The following ATG4C variants were observed in gnomAD, a reference collection of about 807,000 sequenced individuals.
ATG4C encodes the protein cysteine protease ATG4C.
ATG4C carries 56 observed loss-of-function variants against 57.6 expected under a neutral mutation model. The observed-to-expected ratio is 0.97, with a 90% CI of 0.78 to 1.21. The LOEUF is 1.21. Among genes scored for constraint, ATG4C ranks in the 50% most tolerant of loss-of-function variants. The probability of loss-of-function intolerance (pLI) is 0.00; values close to 1 mark genes in which losing one functional copy is unlikely to be tolerated. For synonymous variants in ATG4C, 157 were observed against 174.1 expected (o/e 0.90, Z 0.78); for missense variants, 595 against 529.8 (o/e 1.12, Z -1.21).
Position 62,819,164 on chromosome 1 carries a change from A to G in ATG4C, c.554A>G (p.Tyr185Cys). ...TISLKETIGK[Y>C]SDDHEMRNEV... ...TCTCTGAAGGAAACAATTGGGAAAT[A>G]TTCTGATGATCATGAAATGCGAAAT... The change falls in exon 5 of 11, where the codon TAT becomes TGT. Residue 185 changes from tyrosine to cysteine, a missense_variant. Tyr to Cys is a radical substitution (Grantham distance 194). Coordinates refer to ENST00000317868, the MANE Select transcript of ATG4C (RefSeq NM_032852.4). 3.7e-6 allele frequency: 6 copies of G among 1,613,524 alleles called. No individual in the cohort carries two copies. The highest frequency in any genetic ancestry group is 5.1e-6 in the Non-Finnish European group (6 of 1,179,672).
At chr1:62,841,899 T>C (rs554508458) in intron 10 of ATG4C, among the ~76,000 whole-genome samples, 145 of 152,350 alleles carry the variant, frequency 9.5e-4, no homozygotes, top group African/African-American at 2.9e-3. Flanking sequence ...ATGAAGTATT[T>C]GATCAAGCCA....
intron 10 of ATG4C, among the ~76,000 whole-genome samples, chr1:62,857,118 C>G (rs1666708203): frequency 6.6e-6 from 1 of 152,066 alleles, no homozygotes; most frequent in Non-Finnish European, 1.5e-5. Context: ...TCACAGGGGC[C>G]CCCAGCCCCT....
At chr1:62,813,013 G>A (rs1055994631) in intron 3 of ATG4C, among the ~76,000 whole-genome samples, 2 of 152,140 alleles carry the variant, frequency 1.3e-5, no homozygotes, top group Admixed American at 6.5e-5. Context: ...TCATGGATAG[G>A]AAGAATCAAT....
chr1:62,790,392 CAT>C (rs1460382883), intron 1 of ATG4C, among the ~76,000 whole-genome samples: 5 of 152,190 alleles, frequency 3.3e-5, no homozygotes, highest in African/African-American at 1.2e-4. Context: ...CTACAACACA[CAT>C]AAAATAGTTT....
chr1:62,832,247 C>T (rs1665866110), intron 7 of ATG4C, among the ~76,000 whole-genome samples: 1 of 151,998 alleles, frequency 6.6e-6, no homozygotes, highest in South Asian at 2.1e-4. Flanking sequence ...GAAAAAACTT[C>T]ATGATATTTT....
At chr1:62,824,963 C>T (rs529743057) in intron 6 of ATG4C, among the ~76,000 whole-genome samples, 138 of 152,128 alleles carry the variant, frequency 9.1e-4, no homozygotes, top group Non-Finnish European at 1.8e-3. Context: ...GCTGGCTGGG[C>T]ATGGTGGCTC....
At chr1:62,842,264 T>G (rs1479719646) in intron 10 of ATG4C, among the ~76,000 whole-genome samples, 1 of 152,072 alleles carries the variant, frequency 6.6e-6, no homozygotes, top group Non-Finnish European at 1.5e-5. Flanking sequence ...GGCTATCATT[T>G]TATGGTATGT....
intron 10 of ATG4C, among the ~76,000 whole-genome samples, chr1:62,858,533 A>C (rs1293706901): frequency 6.6e-6 from 1 of 152,172 alleles, no homozygotes; most frequent in Non-Finnish European, 1.5e-5. Context: ...TGTAGACAGA[A>C]GATAAAGGAA....
At chr1:62,810,237 T>C (rs761751091) in intron 3 of ATG4C, among the ~76,000 whole-genome samples, 2 of 152,182 alleles carry the variant, frequency 1.3e-5, no homozygotes, top group African/African-American at 2.4e-5. Flanking sequence ...GCACTGGGGT[T>C]ACTGCTGAAA....
chr1:62,787,895 T>C (rs1664142955), intron 1 of ATG4C, among the ~76,000 whole-genome samples: 1 of 152,098 alleles, frequency 6.6e-6, no homozygotes, highest in East Asian at 1.9e-4. Context: ...TCATCTTGAC[T>C]CCTGTGACAC....
chr1:62,807,970 T>C (rs1023040517), intron 3 of ATG4C, among the ~76,000 whole-genome samples: 1 of 152,190 alleles, frequency 6.6e-6, no homozygotes, highest in African/African-American at 2.4e-5. Flanking sequence ...GGTAGTTAGT[T>C]CATGATTGAA....
At chr1:62,793,494 T>C (rs977332313) in intron 1 of ATG4C, among the ~76,000 whole-genome samples, 1 of 144,426 alleles carries the variant, frequency 6.9e-6, no homozygotes, top group African/African-American at 2.6e-5. Context: ...CTGCCTGTAG[T>C]CCCAACTACT....
Position 62,805,172 on chromosome 1 carries a change from G to A in ATG4C, c.77G>A (p.Ser26Asn). The A allele has an allele frequency of 6.6e-7, 1 of 1,514,342 alleles. No individual in the cohort carries two copies. The highest frequency in any genetic ancestry group is 8.7e-7 in the Non-Finnish European group (1 of 1,143,684). The allele number at this position is 1,514,342 out of a possible 1,614,324, so 93.8% of individuals were successfully genotyped here. The part of the protein sequence containing the change: ...FISAWNNMKY[S>N]WVLKTKTYFS... ...CTTTTCTTTTTTTTTTTTTTGCTAG[G>A]TTGGGTGTTGAAAACAAAGACGTAT... The change falls in exon 3 of 11, where the codon AGT (serine) becomes AAT (asparagine). Residue 26 changes from serine (S) to asparagine (N), a missense_variant and splice_region_variant. Transcript: ENST00000317868.
Position 62,804,690 on chromosome 1 carries a change from T to C in ATG4C, c.77-482T>C, listed in dbSNP as rs141506871. On this transcript the variant is annotated intron_variant, in intron 2 of 10. Transcript: ENST00000317868. ...AATCTAATAAGGAGTATATGGCTAT[T>C]TTTGAAGCCCACCTAAGATGGAGAA... Among the ~76,000 whole-genome samples, 345 of 152,284 alleles carry C rather than the reference T, an allele frequency of 2.3e-3. 2 individuals are homozygous for C. The highest frequency in any genetic ancestry group is 8.1e-3 in the African/African-American group (337 of 41,572).
intron 1 of ATG4C, among the ~76,000 whole-genome samples, chr1:62,802,153 T>C (rs2100293476): frequency 1.3e-5 from 2 of 152,060 alleles, no homozygotes; most frequent in Admixed American, 6.6e-5. Context: ...AAAGCCTGGG[T>C]ATATCTTTGG....
chr1:62,815,363 G>A (rs1665232998), intron 3 of ATG4C, among the ~76,000 whole-genome samples: 1 of 151,968 alleles, frequency 6.6e-6, no homozygotes, highest in Non-Finnish European at 1.5e-5. Context: ...TATACCAAGA[G>A]CCTTACAGTA....
chr1:62,803,914 A>G (rs1664767948), intron 2 of ATG4C, 52 bp downstream of exon 2: 1 of 1,139,904 alleles, frequency 8.8e-7, no homozygotes, highest in Non-Finnish European at 1.3e-6. Flanking sequence ...ATTTGACAAT[A>G]TTTATCATTT....
At chr1:62,858,592 TGAA>T (rs1164386191) in intron 10 of ATG4C, among the ~76,000 whole-genome samples, 2 of 152,000 alleles carry the variant, frequency 1.3e-5, no homozygotes, top group African/African-American at 4.8e-5. Context: ...GTAGAATCAA[TGAA>T]GGAGGAGATA....
intron 3 of ATG4C, among the ~76,000 whole-genome samples, chr1:62,815,685 A>G (rs1665246274): frequency 6.6e-6 from 1 of 151,826 alleles, no homozygotes; most frequent in Admixed American, 6.6e-5. Flanking sequence ...CACCTGGTTA[A>G]TTTTTATTTA....
Sources: allele counts gnomAD v4.1 joint callset (sites outside exome capture counted in the v4.1 genomes callset), GRCh38; gene constraint gnomAD v4.1.1; transcripts MANE v1.5; gene names NCBI Gene and HGNC (gene_info 2026-07-23, HGNC 2026-07-21).